Variants in EARS2 observed in about 807,000 individuals in gnomAD.
The protein encoded by EARS2 is nondiscriminating glutamyl-tRNA synthetase EARS2, mitochondrial.
A neutral mutation model predicts 54.1 loss-of-function variants in EARS2; 50 were observed. That is an observed-to-expected ratio of 0.92 (90% CI 0.74 to 1.17). The LOEUF is 1.17. Ranked by LOEUF, EARS2 falls within the 50% of genes most tolerant of loss-of-function variation. The probability of loss-of-function intolerance (pLI) is 0.00; values close to 1 mark genes in which losing one functional copy is unlikely to be tolerated. For missense variants in EARS2, 673 were observed against 675.0 expected (o/e 1.00, Z 0.03); for synonymous variants, 298 against 281.0 (o/e 1.06, Z -0.61).
chr16:23,529,848 C>T lies in EARS2; in HGVS notation c.1117G>A (p.Val373Met). ...TCCACAAGGACCTGCAGCTTCCCCA[C>T]CAGCTGGCGCCTCTGGCTCTCATTG... ...VSNESQRRQL[V>M]GKLQVLVEEA... is the part of the protein sequence containing the mutation. The change falls in exon 6 of 9, where the codon GTG becomes ATG. Residue 373 changes from valine to methionine, a missense_variant. By Grantham distance (21) the Val-to-Met change is conservative. Around this residue, in one of 3 missense-constraint regions of EARS2, gnomAD observed 338 missense variants for 361.2 expected, o/e 0.94. Coordinates refer to ENST00000449606, the MANE Select transcript of EARS2 (RefSeq NM_001083614.2). 1.2e-6 allele frequency: 2 copies of T among 1,614,196 alleles called. No homozygotes were observed. The highest frequency in any genetic ancestry group is 1.7e-6 in the Non-Finnish European group (2 of 1,180,036).
chr16:23,555,413 C>T (rs577250137), intron 1 of EARS2, among the ~76,000 whole-genome samples: 39 of 152,202 alleles, frequency 2.6e-4, no homozygotes, highest in Middle Eastern at 6.8e-3. Context: ...ACTTGAGCCC[C>T]GGAGGCTGAG....
intron 3 of EARS2, among the ~76,000 whole-genome samples, chr16:23,536,336 T>C (rs1046056011): frequency 6.6e-5 from 10 of 152,178 alleles, no homozygotes; most frequent in African/African-American, 1.9e-4. Context: ...TGGACACAGT[T>C]GCTCACGTCT....
At chr16:23,533,126 A>T (rs7201786) in intron 4 of EARS2, among the ~76,000 whole-genome samples, 3 of 152,040 alleles carry the variant, frequency 2.0e-5, no homozygotes, top group African/African-American at 7.2e-5. Context: ...TCTACTAAAA[A>T]TACAAAAATT....
rs975609725 is a variant in EARS2, at chr16:23,534,883, CGT to C, written c.958+3_958+4del. 6.4e-7 allele frequency: 1 copy of C among 1,563,528 alleles called. No individual in the cohort carries two copies. The highest frequency in any genetic ancestry group is 1.3e-5 in the African/African-American group (1 of 74,362). On this transcript the variant is annotated splice_donor_region_variant and intron_variant, in intron 4 of 8. Transcript: ENST00000449606. ...GCTGCCAGGACTATTCAGGTGGGCA[CGT>C]ACCTGCAAAACCTGAGCCACAGTTG...
At chr16:23,545,907 C>G (rs937123106) in intron 2 of EARS2, among the ~76,000 whole-genome samples, 1 of 152,116 alleles carries the variant, frequency 6.6e-6, no homozygotes, top group African/African-American at 2.4e-5. Context: ...ACTACAGTCT[C>G]CAATTTCTAG....
intron 2 of EARS2, among the ~76,000 whole-genome samples, chr16:23,548,360 C>T (rs1965640213): frequency 6.6e-6 from 1 of 152,152 alleles, no homozygotes; most frequent in African/African-American, 2.4e-5. Flanking sequence ...AATACCTGCC[C>T]TCTGCCTCGC....
intron 3 of EARS2, among the ~76,000 whole-genome samples, chr16:23,542,326 T>TTTC (rs999340650): frequency 1.4e-5 from 2 of 139,668 alleles, no homozygotes; most frequent in African/African-American, 2.6e-5. Flanking sequence ...CTTTTTTTTT[T>TTTC]TTTTTTTTTT....
At chr16:23,534,052 C>CAA (rs34263060) in intron 4 of EARS2, among the ~76,000 whole-genome samples, 1 of 135,316 alleles carries the variant, frequency 7.4e-6, no homozygotes, top group Admixed American at 7.5e-5. Flanking sequence ...AGTTCTGTCT[C>CAA]AAAAAAAAAA....
In EARS2 at chr16:23,556,985, A is replaced by T. The variant is rs1226131699; in HGVS notation, c.139+220T>A. Reference sequence around the variant, plus strand: ...TGGAATGCATGAAAAAAAGATCGAAAGAGATGGGATGGCACAAAAAACACA... The same window carrying T: ...TGGAATGCATGAAAAAAAGATCGAATGAGATGGGATGGCACAAAAAACACA... On this transcript the variant is annotated intron_variant, in intron 1 of 8. Transcript: ENST00000449606. 8 of 744,662 alleles carry T rather than the reference A, an allele frequency of 1.1e-5. No homozygotes were observed. The Admixed American group carries it at 1.7e-4, about 16-fold the overall frequency. The allele number at this position is 744,662 out of a possible 1,614,324, so 46.1% of individuals were successfully genotyped here.
intron 5 of EARS2, among the ~76,000 whole-genome samples, chr16:23,531,558 G>A (rs1023028274): frequency 2.0e-5 from 3 of 152,084 alleles, no homozygotes; most frequent in African/African-American, 7.2e-5. Context: ...ACCATGCCTG[G>A]CCACTTTGGC....
At chr16:23,557,095 C>T (rs1225807517) in intron 1 of EARS2, 110 bp downstream of exon 1, 1 of 1,439,932 alleles carries the variant, frequency 6.9e-7, no homozygotes. Flanking sequence ...CCTTAACCCT[C>T]CTCCGCCCGC....
intron 2 of EARS2, chr16:23,546,532 C>A: frequency 2.3e-6 from 1 of 440,486 alleles, no homozygotes; most frequent in Non-Finnish European, 4.6e-6. Flanking sequence ...TGGCCTGTGA[C>A]CGGTGCTCTC....
chr16:23,544,229 C>A (rs1965563087), intron 3 of EARS2, among the ~76,000 whole-genome samples: 1 of 152,114 alleles, frequency 6.6e-6, no homozygotes. Flanking sequence ...TGTCTCCAGG[C>A]AACAGCTAGC....
At chr16:23,532,606 A>G (rs750971238) in intron 5 of EARS2, 51 bp downstream of exon 5, 6 of 1,399,310 alleles carry the variant, frequency 4.3e-6, no homozygotes, top group South Asian at 2.4e-5. Context: ...AGGGATCATC[A>G]TAAGCAAGAA....
chr16:23,525,080 A>C (rs766706962), intron 8 of EARS2, 164 bp downstream of exon 8: 2 of 831,778 alleles, frequency 2.4e-6, no homozygotes, highest in Non-Finnish European at 3.9e-6. Flanking sequence ...GCTTGCACAT[A>C]GTAGGTACTC....
At chr16:23,551,007 A>C (rs533263941) in intron 2 of EARS2, among the ~76,000 whole-genome samples, 1 of 152,172 alleles carries the variant, frequency 6.6e-6, no homozygotes, top group Non-Finnish European at 1.5e-5. Flanking sequence ...CACAAGATCA[A>C]CTTCAGAAGC....
intron 3 of EARS2, among the ~76,000 whole-genome samples, chr16:23,540,085 C>T (rs1965488094): frequency 1.3e-5 from 2 of 152,260 alleles, no homozygotes; most frequent in South Asian, 2.1e-4. Flanking sequence ...GCCCAGGAGG[C>T]AGAAGTTGCC....
intron 2 of EARS2, among the ~76,000 whole-genome samples, chr16:23,551,942 T>TA (rs1028388563): frequency 1.3e-5 from 2 of 151,982 alleles, no homozygotes; most frequent in African/African-American, 4.8e-5. Context: ...TAAATAAAAA[T>TA]AAAGAAACCA....
chr16:23,526,161 G>A (rs965335724), intron 7 of EARS2, among the ~76,000 whole-genome samples: 3 of 144,642 alleles, frequency 2.1e-5, no homozygotes, highest in Non-Finnish European at 4.5e-5. Flanking sequence ...TGCCCAGGCT[G>A]GAGTGCAATG....
Sources: allele counts gnomAD v4.1 joint callset (sites outside exome capture counted in the v4.1 genomes callset), GRCh38; gene constraint gnomAD v4.1.1; regional missense constraint gnomAD v4.1.1; transcripts MANE v1.5; gene names NCBI Gene and HGNC (gene_info 2026-07-23, HGNC 2026-07-21).